Variants in PDGFRL observed in about 807,000 individuals in gnomAD.
The protein encoded by PDGFRL is platelet-derived growth factor receptor-like protein.
Under a neutral mutation model 37.2 loss-of-function variants are expected in PDGFRL, and 46 were observed. The ratio of observed to expected loss-of-function variants is 1.24; its 90% CI spans 0.98 to 1.58. PDGFRL has a LOEUF of 1.58. PDGFRL is among the 40% of genes most tolerant of loss of function. The pLI, the probability that PDGFRL is intolerant of heterozygous loss-of-function variation, is 0.00. For synonymous variants in PDGFRL, 251 were observed against 184.3 expected, an observed-to-expected ratio of 1.36 and a Z score of -2.93; for missense variants, 692 against 467.6, an observed-to-expected ratio of 1.48 and a Z score of -4.43.
rs138460002 is a variant in PDGFRL at position 17,604,123 on chromosome 8, T to C, written c.353+14358T>C. Among the ~76,000 whole-genome samples the C allele has an allele frequency of 1.1e-3, 170 of 152,248 alleles. 1 individual carries two copies. The highest frequency in any genetic ancestry group is 3.9e-3 in the African/African-American group (163 of 41,546). ...AGGATGTGGAGTAATAGGAACACTTTTACACTGTTGGTGGGACTGTAAACT... is the reference window on the plus strand; with the variant it reads ...AGGATGTGGAGTAATAGGAACACTTCTACACTGTTGGTGGGACTGTAAACT... On this transcript the variant is annotated intron_variant, in intron 2 of 5. Coordinates refer to ENST00000251630, the MANE Select transcript of PDGFRL (RefSeq NM_001372073.1).
At chr8:17,631,979 G>A (rs576639468) in intron 4 of PDGFRL, among the ~76,000 whole-genome samples, 12 of 152,288 alleles carry the variant, frequency 7.9e-5, no homozygotes, top group South Asian at 6.2e-4. Flanking sequence ...TCAGGTCCAC[G>A]TGTCCGCCGT....
intron 2 of PDGFRL, among the ~76,000 whole-genome samples, chr8:17,613,201 C>A (rs79622269): frequency 0.012 from 1,774 of 152,148 alleles, 34 homozygotes; most frequent in African/African-American, 0.041. Context: ...TATTTTAAGG[C>A]CTTTGTTCCA....
At chr8:17,601,202 C>T (rs1392936766) in intron 2 of PDGFRL, among the ~76,000 whole-genome samples, 2 of 152,210 alleles carry the variant, frequency 1.3e-5, no homozygotes, top group Admixed American at 6.5e-5. Context: ...ATCACAACAG[C>T]AGTGACTGTA....
At chr8:17,607,815 G>C (rs1460050751) in intron 2 of PDGFRL, among the ~76,000 whole-genome samples, 2 of 152,200 alleles carry the variant, frequency 1.3e-5, no homozygotes, top group African/African-American at 4.8e-5. Context: ...TCAAAGGAGG[G>C]AGCAAGAAAA....
chr8:17,628,741 T>C lies in PDGFRL; in HGVS notation c.760T>C (p.Ser254Pro), dbSNP rs1406058875. 4 of 1,614,062 alleles carry C rather than the reference T, an allele frequency of 2.5e-6. No homozygotes were observed. Among genetic ancestry groups the C allele is most frequent in the Non-Finnish European group, 3.4e-6 (4 of 1,179,950 alleles). Residue 254 changes from serine to proline, a missense_variant, in exon 4 of 6, where the codon TCT (serine) becomes CCT (proline). By Grantham distance (74) the Ser-to-Pro change is moderately conservative (BLOSUM62 -1). Transcript: ENST00000251630. ...CTGCAGGGCGGAGGCCGGGGGCAGATCTCAGATCTCCGTCAAGTACCAGCT... is the reference window on the plus strand; with the variant it reads ...CTGCAGGGCGGAGGCCGGGGGCAGACCTCAGATCTCCGTCAAGTACCAGCT... ...VYCRAEAGGR[S>P]QISVKYQLLY...
At chr8:17,605,874 G>A (rs373875282) in intron 2 of PDGFRL, among the ~76,000 whole-genome samples, 3 of 152,122 alleles carry the variant, frequency 2.0e-5, no homozygotes, top group Non-Finnish European at 4.4e-5. Flanking sequence ...CTGGCTCCTC[G>A]GAAAACAATA....
At chr8:17,641,459 C>A (rs1430997520) in intron 5 of PDGFRL, among the ~76,000 whole-genome samples, 1 of 152,190 alleles carries the variant, frequency 6.6e-6, no homozygotes, top group Non-Finnish European at 1.5e-5. Context: ...GCCCATAGGG[C>A]TCTTTCTGCT....
chr8:17,600,815 C>CA (rs72227622), intron 2 of PDGFRL, among the ~76,000 whole-genome samples: 26 of 144,318 alleles, frequency 1.8e-4, no homozygotes, highest in Admixed American at 4.1e-4. Context: ...AAAAAAAAAA[C>CA]AAAAAAACCT....
chr8:17,611,591 G>C (rs911716442), intron 2 of PDGFRL, among the ~76,000 whole-genome samples: 1 of 152,168 alleles, frequency 6.6e-6, no homozygotes, highest in Admixed American at 6.5e-5. Context: ...AGGTGAAAAT[G>C]AGCCGATGTG....
chr8:17,591,237 A>T (rs879396891), intron 2 of PDGFRL, among the ~76,000 whole-genome samples: 1 of 152,142 alleles, frequency 6.6e-6, no homozygotes, highest in Non-Finnish European at 1.5e-5. Flanking sequence ...AGAGGCCTCA[A>T]CTGGTAAGAA....
chr8:17,633,956 G>C (rs1804914240), intron 4 of PDGFRL, 118 bp from the exon 5 acceptor site: 1 of 1,008,554 alleles, frequency 9.9e-7, no homozygotes, highest in Non-Finnish European at 1.6e-6. Flanking sequence ...GCACTGGTCA[G>C]GGAGCTGTGA....
chr8:17,627,004 G>A (rs1001393161), intron 3 of PDGFRL, among the ~76,000 whole-genome samples: 5 of 152,312 alleles, frequency 3.3e-5, no homozygotes, highest in South Asian at 2.1e-4. Flanking sequence ...TCAAGCCGAC[G>A]CCATTCCCCT....
chr8:17,588,312 C>G (rs1803859748), intron 1 of PDGFRL, among the ~76,000 whole-genome samples: 1 of 152,094 alleles, frequency 6.6e-6, no homozygotes, highest in South Asian at 2.1e-4. Flanking sequence ...TTTTATTCTA[C>G]CTAGACATCG....
At chr8:17,639,140 G>C (rs4921555) in intron 5 of PDGFRL, among the ~76,000 whole-genome samples, 125,629 of 152,008 alleles carry the variant, frequency 0.83, 52,711 homozygotes, top group Non-Finnish European at 0.91. Context: ...TTTACCATAA[G>C]TTTATGTTAG....
rs1175191853 is a variant in PDGFRL, at chr8:17,642,920, A to AG, written c.*120dup. ...ATGTCAAGCACCACACCCCAACCCCAGCGTCTCGTGAGTCCGACCCAGACA... is the reference window on the plus strand; with the variant it reads ...ATGTCAAGCACCACACCCCAACCCCAGGCGTCTCGTGAGTCCGACCCAGACA... On this transcript the variant is annotated 3_prime_UTR_variant, in exon 6 of 6. Transcript: ENST00000251630. The AG allele has an allele frequency of 1.5e-6, 1 of 650,660 alleles. No homozygotes were observed. The highest frequency in any genetic ancestry group is 2.7e-6 in the Non-Finnish European group (1 of 370,118). 40.3% of individuals were successfully genotyped at this position (650,660 alleles called of 1,614,324 possible).
chr8:17,640,655 A>C (rs2129861193), intron 5 of PDGFRL, among the ~76,000 whole-genome samples: 1 of 152,274 alleles, frequency 6.6e-6, no homozygotes, highest in Non-Finnish European at 1.5e-5. Context: ...GGATGCCAGC[A>C]GCTGCTCTAA....
intron 5 of PDGFRL, among the ~76,000 whole-genome samples, chr8:17,639,871 C>T (rs574805083): frequency 6.6e-6 from 1 of 152,286 alleles, no homozygotes; most frequent in Non-Finnish European, 1.5e-5. Context: ...TCAAATATGT[C>T]TTTCAAACTT....
intron 1 of PDGFRL, among the ~76,000 whole-genome samples, chr8:17,579,382 C>T (rs189873464): frequency 1.3e-5 from 2 of 152,072 alleles, no homozygotes; most frequent in African/African-American, 4.8e-5. Context: ...GTGGATTACA[C>T]AGGAGGCCCT....
chr8:17,584,454 G>A (rs762536830), intron 1 of PDGFRL, among the ~76,000 whole-genome samples: 14 of 152,056 alleles, frequency 9.2e-5, no homozygotes, highest in Admixed American at 3.9e-4. Flanking sequence ...CAGGGGTCAC[G>A]GGATTGTGTG....
Sources: allele counts gnomAD v4.1 joint callset (sites outside exome capture counted in the v4.1 genomes callset), GRCh38; gene constraint gnomAD v4.1.1; transcripts MANE v1.5; gene names NCBI Gene and HGNC (gene_info 2026-07-23, HGNC 2026-07-21).